Variants in EWSR1 observed in about 807,000 individuals in gnomAD.
EWSR1 encodes the protein RNA-binding protein EWS.
In EWSR1, 14 loss-of-function variants were observed where a neutral mutation model predicts 92.1. The ratio of observed to expected loss-of-function variants is 0.15; its 90% CI spans 0.10 to 0.24. The LOEUF (loss-of-function observed/expected upper bound fraction) is 0.24. Among genes scored for constraint, EWSR1 ranks in the 10% least tolerant of loss-of-function variants. The pLI, the probability that EWSR1 is intolerant of heterozygous loss-of-function variation, is 1.00. For synonymous variants in EWSR1, 303 were observed against 292.9 expected, an observed-to-expected ratio of 1.03 and a Z score of -0.35; for missense variants, 637 against 870.9, an observed-to-expected ratio of 0.73 and a Z score of 3.38.
Position 29,297,748 on chromosome 22 carries a change from A to C in EWSR1, c.1295-79A>C, listed in dbSNP as rs890330763. 29 of 1,566,070 alleles carry C rather than the reference A, an allele frequency of 1.9e-5. No homozygotes were observed. The African/African-American group carries it at 3.7e-4, about 20-fold the overall frequency. ...TACAGGCAGACCTAATGCATCTGGG[A>C]GTGGTCATTTGATGATGATGTGGAG... On this transcript the variant is annotated intron_variant, in intron 12 of 16. Transcript: ENST00000397938.
At position 29,288,750 on chromosome 22, in the gene EWSR1, G is replaced by A; in HGVS notation, c.938G>A (p.Ser313Asn). 1 of 1,613,604 alleles carries A rather than the reference G, an allele frequency of 6.2e-7. No homozygotes were observed. Among genetic ancestry groups the A allele is most frequent in the Non-Finnish European group, 8.5e-7 (1 of 1,179,740 alleles). The change falls in exon 8 of 17, where the codon AGC becomes AAC. Residue 313 changes from serine to asparagine, a missense_variant. Transcript: ENST00000397938. ...GRGGFDRGGM[S>N]RGGRGGGRGG... ...GGGGGATTTGATCGTGGAGGCATGA[G>A]CAGAGGTGGGCGGGGAGGAGGACGC...
rs186498473 is a variant in EWSR1, at chr22:29,293,815, C to T, written c.1164+1209C>T. On this transcript the variant is annotated intron_variant, in intron 11 of 16. Transcript: ENST00000397938. ...GAACTCCTGACCTCAGGTGATCTGC[C>T]GCCTCAACTCCCAAAGTTTTGTGAT... Among the ~76,000 whole-genome samples the T allele has an allele frequency of 3.7e-3, 564 of 152,136 alleles. 2 individuals carry two copies. Among genetic ancestry groups the T allele is most frequent in the Non-Finnish European group, 4.8e-3 (324 of 68,000 alleles).
chr22:29,273,244 G>A (rs1316165337), intron 3 of EWSR1, among the ~76,000 whole-genome samples: 1 of 152,204 alleles, frequency 6.6e-6, no homozygotes, highest in Non-Finnish European at 1.5e-5. Flanking sequence ...TAGTTTTAAA[G>A]TCTTTTTGTC....
chr22:29,268,390 A>G, intron 1 of EWSR1, 41 bp downstream of exon 1: 2 of 1,613,884 alleles, frequency 1.2e-6, no homozygotes, highest in East Asian at 2.2e-5. Context: ...CGGTAGCCGG[A>G]ACGCCCAAAC....
chr22:29,273,152 A>G (rs1164011946), intron 3 of EWSR1, among the ~76,000 whole-genome samples: 1 of 152,230 alleles, frequency 6.6e-6, no homozygotes, highest in African/African-American at 2.4e-5. Flanking sequence ...ATGGATGTCT[A>G]AGTTCAAAAG....
intron 3 of EWSR1, among the ~76,000 whole-genome samples, chr22:29,272,897 CTG>C (rs1163474015): frequency 6.6e-6 from 1 of 152,168 alleles, no homozygotes; most frequent in Non-Finnish European, 1.5e-5. Flanking sequence ...AGTGAAGAGT[CTG>C]TTGAAAAGCC....
intron 5 of EWSR1, among the ~76,000 whole-genome samples, chr22:29,278,557 G>A (rs188075398): frequency 3.1e-4 from 47 of 152,002 alleles, no homozygotes; most frequent in Middle Eastern, 6.8e-3. Context: ...GGGCGCAGTG[G>A]CTCACGCCTG....
intron 12 of EWSR1, among the ~76,000 whole-genome samples, chr22:29,297,505 A>ACTGCCT (rs754743443): frequency 1.5e-4 from 23 of 152,300 alleles, no homozygotes; most frequent in Non-Finnish European, 2.6e-4. Context: ...CAGCCTGGGC[A>ACTGCCT]ACCTAGTGAG....
chr22:29,298,976 GCT>G, intron 14 of EWSR1, 81 bp downstream of exon 14: 2 of 1,422,270 alleles, frequency 1.4e-6, no homozygotes, highest in East Asian at 2.3e-5. Flanking sequence ...AGAGTGGATT[GCT>G]CTGTCTAGAG....
chr22:29,273,686 C>T, intron 3 of EWSR1, 55 bp from the exon 4 acceptor site: 1 of 1,576,590 alleles, frequency 6.3e-7, no homozygotes, highest in Non-Finnish European at 8.6e-7. Context: ...CATTTTATTG[C>T]TAAAATACAA....
At chr22:29,269,794 C>G (rs567600981) in intron 1 of EWSR1, 4 of 152,378 alleles carry the variant, frequency 2.6e-5, no homozygotes, top group African/African-American at 9.6e-5. Context: ...CCACCCTCTT[C>G]TGCTCTGCAA....
intron 4 of EWSR1, chr22:29,277,753 G>T: frequency 2.5e-6 from 1 of 399,314 alleles, no homozygotes; most frequent in South Asian, 4.2e-5. Flanking sequence ...TTCAAGAGGG[G>T]GCAGAAGGAA....
intron 8 of EWSR1, chr22:29,289,631 GAAAAA>G (rs555482723): frequency 2.3e-5 from 5 of 219,020 alleles, no homozygotes; most frequent in African/African-American, 9.2e-5. Flanking sequence ...AACTGGTAAA[GAAAAA>G]AAAAAGTTAT....
intron 11 of EWSR1, among the ~76,000 whole-genome samples, chr22:29,293,957 A>G (rs2060640490): frequency 1.3e-5 from 2 of 151,746 alleles, no homozygotes; most frequent in African/African-American, 4.8e-5. Flanking sequence ...GGTTTACTGT[A>G]ACCTCTGCCT....
rs536993739 is a variant in EWSR1, at chr22:29,290,249, C to G, written c.975-1313C>G. ...GATAGACGGGCATTTCCCTCGTTGC[C>G]CCCCTTTTTATTGTGGTGTGGTGAT... is the stretch of plus-strand genomic sequence containing the variant. On this transcript the variant is annotated intron_variant, in intron 8 of 16. Coordinates refer to ENST00000397938, the MANE Select transcript of EWSR1 (RefSeq NM_005243.4). 6.3e-4 allele frequency: 367 copies of G among 582,028 alleles called. 2 individuals are homozygous for G. The South Asian group carries it at 9.9e-3, about 16-fold the overall frequency. 36.1% of individuals were successfully genotyped at this position (582,028 alleles called of 1,614,324 possible).
chr22:29,299,317 C>G lies in EWSR1; in HGVS notation c.1664C>G (p.Pro555Arg). The G allele has an allele frequency of 6.2e-7, 1 of 1,613,726 alleles. No individual in the cohort carries two copies. Among genetic ancestry groups the G allele is most frequent in the Non-Finnish European group, 8.5e-7 (1 of 1,179,662 alleles). ...APKPEGFLPP[P>R]FPPPGGDRGR... is the part of the protein sequence containing the mutation. ...AAGCCTGAAGGCTTCCTCCCGCCAC[C>G]CTTTCCGCCCCCGGGTAGGTGCAGG... Residue 555 changes from proline (P) to arginine (R), a missense_variant, in exon 15 of 17, where the codon CCC becomes CGC. Physicochemically the swap from Pro to Arg is moderately radical, Grantham distance 103. Coordinates refer to ENST00000397938, the MANE Select transcript of EWSR1 (RefSeq NM_005243.4).
chr22:29,273,862 C>G lies in EWSR1; in HGVS notation c.224C>G (p.Thr75Ser). 6.2e-7 allele frequency: 1 copy of G among 1,613,866 alleles called. No individual in the cohort carries two copies. ...GCAACTTCTTATGGACAGCCTCCCA[C>G]TGGTAAGGCCTGCCTTGGAGAGATT... The part of the protein sequence containing the change: ...AYATSYGQPP[T>S]GYTTPTAPQA... Residue 75 changes from threonine (T) to serine (S), a missense_variant and splice_region_variant, in exon 4 of 17, where the codon ACT becomes AGT. By Grantham distance (58) the Thr-to-Ser change is moderately conservative. This residue lies in a region of EWSR1 where 144 missense variants were observed against 189.0 expected (regional missense o/e 0.76). Transcript: ENST00000397938.
At chr22:29,286,881 T>G (rs1407376541) in intron 6 of EWSR1, 42 bp from the exon 7 acceptor site, 1 of 1,536,546 alleles carries the variant, frequency 6.5e-7, no homozygotes, top group East Asian at 2.2e-5. Context: ...ACAAGCCTCT[T>G]TCTAAAAAAG....
Position 29,297,860 on chromosome 22 carries a change from C to T in EWSR1, c.1328C>T (p.Ser443Phe). 6.2e-7 allele frequency: 1 copy of T among 1,614,046 alleles called. No homozygotes were observed. The highest frequency in any genetic ancestry group is 8.5e-7 in the Non-Finnish European group (1 of 1,179,990). ...KDFQGSKLKV[S>F]LARKKPPMNS... The stretch of plus-strand genomic sequence containing the variant: ...TTTCAAGGGAGCAAACTTAAAGTCT[C>T]CCTTGCTCGGAAGAAGCCTCCAATG... Residue 443 changes from serine (S) to phenylalanine (F), a missense_variant, in exon 13 of 17, where the codon TCC becomes TTC. Ser to Phe is a radical substitution (Grantham distance 155). Coordinates refer to ENST00000397938, the MANE Select transcript of EWSR1 (RefSeq NM_005243.4).
Sources: gnomAD v4.1 joint callset for allele counts (sites outside exome capture counted in the v4.1 genomes callset) on GRCh38, gnomAD v4.1.1 for gene constraint, gnomAD v4.1.1 regional missense constraint, MANE v1.5 for transcripts, NCBI Gene and HGNC (gene_info 2026-07-23, HGNC 2026-07-21) for gene names.